FAXC: variants seen among roughly 807,000 people sequenced by gnomAD.
FAXC encodes the protein failed axon connections homolog.
A neutral mutation model predicts 41.9 loss-of-function variants in FAXC; 10 were observed. That is an observed-to-expected ratio of 0.24 (90% CI 0.15 to 0.41). FAXC has a LOEUF of 0.41. Among genes scored for constraint, FAXC ranks in the 10% least tolerant of loss-of-function variants. The pLI is 1.00. For synonymous variants in FAXC, 183 were observed against 183.8 expected (o/e 1.00, Z 0.03); for missense variants, 399 against 510.9 (o/e 0.78, Z 2.11).
chr6:99,291,631 TCTC>T (rs1771243979), intron 5 of FAXC, 70 bp downstream of exon 5: 3 of 1,029,542 alleles, frequency 2.9e-6, no homozygotes, highest in Non-Finnish European at 4.6e-6. Flanking sequence ...GGTCTAGAAT[TCTC>T]CACTGTGCTA....
chr6:99,299,625 A>G (rs554971539), intron 4 of FAXC, among the ~76,000 whole-genome samples: 5 of 152,346 alleles, frequency 3.3e-5, no homozygotes, highest in East Asian at 1.9e-4. Flanking sequence ...GCTTTTCCCA[A>G]TGAAACAGGA....
chr6:99,309,869 T>G lies in FAXC; in HGVS notation c.823+13575A>C, dbSNP rs145942637. Reference sequence around the variant, plus strand: ...CAATCAATACAGGTAAAGTTAAAATTTATGGTTTTCAGGTCAAATTATTAT... The same window carrying G: ...CAATCAATACAGGTAAAGTTAAAATGTATGGTTTTCAGGTCAAATTATTAT... On this transcript the variant is annotated intron_variant, in intron 4 of 5. Coordinates refer to ENST00000389677, the MANE Select transcript of FAXC (RefSeq NM_032511.4). 46 of 980,442 alleles carry G rather than the reference T, an allele frequency of 4.7e-5. No homozygotes were observed. In the African/African-American group the frequency reaches 7.3e-4, roughly 16 times the overall value. 60.7% of individuals were successfully genotyped at this position (980,442 alleles called of 1,614,324 possible).
At chr6:99,326,642 G>T (rs973519050) in intron 3 of FAXC, among the ~76,000 whole-genome samples, 6 of 151,944 alleles carry the variant, frequency 3.9e-5, no homozygotes, top group African/African-American at 1.5e-4. Flanking sequence ...GAGGAGATGA[G>T]GTCACCTTAG....
chr6:99,298,017 G>C (rs964290601), intron 4 of FAXC, among the ~76,000 whole-genome samples: 3 of 152,158 alleles, frequency 2.0e-5, no homozygotes, highest in African/African-American at 7.2e-5. Context: ...ACTTGGGAAT[G>C]GGACTAGAGA....
intron 2 of FAXC, among the ~76,000 whole-genome samples, chr6:99,336,448 T>C (rs1170662688): frequency 6.6e-6 from 1 of 152,192 alleles, no homozygotes; most frequent in African/African-American, 2.4e-5. Context: ...GAAGAACTCC[T>C]GGACTATTTT....
intron 4 of FAXC, among the ~76,000 whole-genome samples, chr6:99,294,845 C>T (rs780668182): frequency 2.7e-5 from 4 of 150,654 alleles, no homozygotes; most frequent in Non-Finnish European, 5.9e-5. Flanking sequence ...TCATTTGAAC[C>T]CACACATCAA....
chr6:99,345,733 G>A (rs1440091461), intron 1 of FAXC, among the ~76,000 whole-genome samples: 1 of 152,198 alleles, frequency 6.6e-6, no homozygotes, highest in Non-Finnish European at 1.5e-5. Context: ...AGAAGAGGCT[G>A]AGCCCGTGTG....
intron 4 of FAXC, among the ~76,000 whole-genome samples, chr6:99,321,005 A>G (rs1772568780): frequency 6.6e-6 from 1 of 151,528 alleles, no homozygotes; most frequent in African/African-American, 2.4e-5. Flanking sequence ...TCATGGGCAC[A>G]TTTCTGTTGC....
At chr6:99,304,696 A>T (rs894869267) in intron 4 of FAXC, among the ~76,000 whole-genome samples, 10 of 152,206 alleles carry the variant, frequency 6.6e-5, no homozygotes, top group African/African-American at 2.2e-4. Flanking sequence ...TTGAGTGCCT[A>T]CTGTTTACTA....
At position 99,323,567 on chromosome 6, in the gene FAXC, C is replaced by T; in HGVS notation, c.700G>A (p.Val234Met). Residue 234 changes from valine to methionine, a missense_variant, in exon 4 of 6, where the codon GTG becomes ATG. This residue lies in a region of FAXC where 239 missense variants were observed against 352.7 expected (regional missense o/e 0.68). Transcript: ENST00000389677. Reference protein sequence around the residue: ...GPFSNLLRWVVCHITKGIVKR... With the variant: ...GPFSNLLRWVMCHITKGIVKR... ...ACAATTCCTTTCGTTATGTGGCACACAACCCACCTCAGCAGGTTGCTGAAG... is the reference window on the plus strand; with the variant it reads ...ACAATTCCTTTCGTTATGTGGCACATAACCCACCTCAGCAGGTTGCTGAAG... 1 of 1,614,198 alleles carries T rather than the reference C, an allele frequency of 6.2e-7. No homozygotes were observed. The highest frequency in any genetic ancestry group is 8.5e-7 in the Non-Finnish European group (1 of 1,180,022).
At chr6:99,310,557 C>T (rs1772115427) in intron 4 of FAXC, among the ~76,000 whole-genome samples, 2 of 152,248 alleles carry the variant, frequency 1.3e-5, no homozygotes, top group Admixed American at 1.3e-4. Flanking sequence ...AGACAAGCCC[C>T]TGTAGTTTAG....
At chr6:99,299,314 A>C (rs17059373) in intron 4 of FAXC, among the ~76,000 whole-genome samples, 14,475 of 152,178 alleles carry the variant, frequency 0.095, 995 homozygotes, top group East Asian at 0.32. Flanking sequence ...ATTTAGCTAA[A>C]TTTCCAAACT....
chr6:99,349,000 T>A, intron 1 of FAXC, 107 bp downstream of exon 1: 1 of 1,110,464 alleles, frequency 9.0e-7, no homozygotes, highest in East Asian at 2.4e-5. Flanking sequence ...CGCTTGGGCA[T>A]CTGGGCAGCT....
In FAXC at chr6:99,295,735, A is replaced by G. The variant is rs74892812; in HGVS notation, c.824-3915T>C. 1.8e-3 allele frequency among the ~76,000 whole-genome samples: 270 copies of G among 152,340 alleles called. 7 individuals carry two copies. The East Asian group carries it at 0.04, about 23-fold the overall frequency. On this transcript the variant is annotated intron_variant, in intron 4 of 5. Coordinates refer to ENST00000389677, the MANE Select transcript of FAXC (RefSeq NM_032511.4). ...CATATCAGGGAGCATATAATGTCCT[A>G]TATCTTATGACTGTGATATTAACCG...
intron 4 of FAXC, among the ~76,000 whole-genome samples, chr6:99,300,833 G>T (rs1771675727): frequency 6.6e-6 from 1 of 152,176 alleles, no homozygotes; most frequent in Non-Finnish European, 1.5e-5. Context: ...ACATCAGAAA[G>T]AACACAATGT....
chr6:99,311,795 C>T (rs1048550365), intron 4 of FAXC, among the ~76,000 whole-genome samples: 3 of 152,144 alleles, frequency 2.0e-5, no homozygotes, highest in African/African-American at 7.2e-5. Context: ...TTCTGCCTTA[C>T]CCTGAGTTGA....
intron 4 of FAXC, among the ~76,000 whole-genome samples, chr6:99,316,527 C>T (rs190554067): frequency 6.6e-6 from 1 of 152,320 alleles, no homozygotes; most frequent in Admixed American, 6.5e-5. Flanking sequence ...TTGACCTACA[C>T]TGCAAGGCAT....
intron 5 of FAXC, among the ~76,000 whole-genome samples, chr6:99,291,056 C>T (rs1357038923): frequency 2.6e-5 from 4 of 152,110 alleles, no homozygotes; most frequent in South Asian, 2.1e-4. Context: ...GTGATCCACC[C>T]GCCTTGGCCT....
At chr6:99,289,263 A>C (rs1325158253) in intron 5 of FAXC, among the ~76,000 whole-genome samples, 1 of 152,166 alleles carries the variant, frequency 6.6e-6, no homozygotes, top group East Asian at 1.9e-4. Context: ...GCAACTATGC[A>C]GGGGAAGCCT....
Sources: allele counts gnomAD v4.1 joint callset (sites outside exome capture counted in the v4.1 genomes callset), GRCh38; gene constraint gnomAD v4.1.1; regional missense constraint gnomAD v4.1.1; transcripts MANE v1.5; gene names NCBI Gene and HGNC (gene_info 2026-07-23, HGNC 2026-07-21).